GRAMD1B: variants seen among roughly 807,000 people sequenced by gnomAD.
GRAMD1B encodes protein Aster-B.
GRAMD1B carries 37 observed loss-of-function variants against 99.7 expected under a neutral mutation model. That is an observed-to-expected ratio of 0.37 (90% CI 0.29 to 0.49). The LOEUF (loss-of-function observed/expected upper bound fraction) is 0.49, where lower values mean the gene tolerates loss of function less well. GRAMD1B is among the 20% of genes least tolerant of loss of function. The probability of loss-of-function intolerance (pLI) is 0.98; values close to 1 mark genes in which losing one functional copy is unlikely to be tolerated. For missense variants in GRAMD1B, 888 were observed against 1,009.2 expected, an observed-to-expected ratio of 0.88 and a Z score of 1.63; for synonymous variants, 427 against 387.6, an observed-to-expected ratio of 1.10 and a Z score of -1.19.
intron 2 of GRAMD1B, among the ~76,000 whole-genome samples, chr11:123,556,026 G>A (rs1044765192): frequency 1.3e-5 from 2 of 152,166 alleles, no homozygotes; most frequent in African/African-American, 2.4e-5. Flanking sequence ...GAGCCACTGC[G>A]CCTGGCCTTA....
chr11:123,502,823 A>G (rs1940012911), intron 2 of GRAMD1B, among the ~76,000 whole-genome samples: 1 of 151,962 alleles, frequency 6.6e-6, no homozygotes, highest in South Asian at 2.1e-4. Context: ...TGCACTTAAT[A>G]TACCTCACCT....
At chr11:123,583,016 G>A (rs1336638221) in intron 3 of GRAMD1B, among the ~76,000 whole-genome samples, 8 of 151,020 alleles carry the variant, frequency 5.3e-5, no homozygotes, top group Non-Finnish European at 8.9e-5. Flanking sequence ...AAGTGTGTGC[G>A]TGTGTATGTG....
chr11:123,489,064 A>C (rs2846315), intron 2 of GRAMD1B, among the ~76,000 whole-genome samples: 63,380 of 151,766 alleles, frequency 0.42, 14,917 homozygotes, highest in African/African-American at 0.64. Flanking sequence ...CACTGGACTA[A>C]GGGGAGAGAA....
intron 8 of GRAMD1B, among the ~76,000 whole-genome samples, chr11:123,602,489 A>T (rs1402146978): frequency 6.6e-6 from 1 of 152,056 alleles, no homozygotes; most frequent in Non-Finnish European, 1.5e-5. Context: ...TAGGAAGTCT[A>T]TCGGTGCAAA....
chr11:123,534,231 A>G (rs573893577), intron 2 of GRAMD1B, among the ~76,000 whole-genome samples: 1 of 152,358 alleles, frequency 6.6e-6, no homozygotes, highest in East Asian at 1.9e-4. Context: ...GAAAATGTTA[A>G]GAAAGTCATA....
At chr11:123,558,547 A>C (rs1412953921) in intron 2 of GRAMD1B, among the ~76,000 whole-genome samples, 2 of 152,234 alleles carry the variant, frequency 1.3e-5, no homozygotes, top group African/African-American at 2.4e-5. Flanking sequence ...TTTCAGATGA[A>C]GAAACTGAGT....
rs1950630357 is a variant in GRAMD1B at position 123,591,410 on chromosome 11, G to A, written c.685-2672G>A. ...GTGCTGGGCAATGGAATCACTGACG[G>A]AGTCGGGGGTCCTCTGGAGCCTTCT... On this transcript the variant is annotated intron_variant, in intron 4 of 19. Transcript: ENST00000635736. This position sits in a 1 kb window ranked among gnomAD's most constrained non-coding sequence, Gnocchi z 4.7. The A allele has an allele frequency of 2.5e-6, 1 of 399,020 alleles. No homozygotes were observed. Among genetic ancestry groups the A allele is most frequent in the Non-Finnish European group, 4.4e-6 (1 of 226,136 alleles). The allele number at this position is 399,020 out of a possible 1,614,324, so 24.7% of individuals were successfully genotyped here. A position where few individuals can be genotyped will look rare whatever the true frequency, so the allele number is the denominator to read the frequency against.
rs572279871 is a variant in GRAMD1B, at chr11:123,476,649, C to T, written c.375-4167C>T. 1.5e-4 allele frequency among the ~76,000 whole-genome samples: 23 copies of T among 152,308 alleles called. No individual in the cohort carries two copies. In the East Asian group the frequency reaches 3.9e-3, roughly 26 times the overall value. ...TCTGCTGTTGTTGCATCACAGTCCA[C>T]GGTGAATATTTGTATGTCTTAGACT... is the stretch of plus-strand genomic sequence containing the variant. On this transcript the variant is annotated intron_variant, in intron 1 of 19. Coordinates refer to ENST00000635736, the MANE Select transcript of GRAMD1B (RefSeq NM_001387025.1).
intron 7 of GRAMD1B, chr11:123,597,811 T>C (rs576860600): frequency 1.6e-6 from 1 of 614,286 alleles, no homozygotes; most frequent in South Asian, 1.9e-5. Context: ...CTGCCTTGTT[T>C]CTACAAGTTG....
chr11:123,405,260 G>A (rs1248584295), intron 1 of GRAMD1B, among the ~76,000 whole-genome samples: 2 of 151,980 alleles, frequency 1.3e-5, no homozygotes, highest in East Asian at 3.9e-4. Flanking sequence ...CCTTAAGACT[G>A]TCTAGCAGTC....
chr11:123,622,208 A>G (rs1197152699), intron 19 of GRAMD1B, among the ~76,000 whole-genome samples: 1 of 152,126 alleles, frequency 6.6e-6, no homozygotes, highest in Non-Finnish European at 1.5e-5. Context: ...TTTTTTATAG[A>G]GATGGGGTCT....
chr11:123,492,865 TACACACACACAC>T lies in GRAMD1B; in HGVS notation c.452+11991_452+12002del, dbSNP rs58113764. On this transcript the variant is annotated intron_variant, in intron 2 of 19. Coordinates refer to ENST00000635736, the MANE Select transcript of GRAMD1B (RefSeq NM_001387025.1). This position sits in a 1 kb window ranked among gnomAD's most constrained non-coding sequence, Gnocchi z 4.2. ...TCTCTCTGTCTCTCTCTTTCACACA[TACACACACACAC>T]ACACACACACACACACACGCATAGG... Among the ~76,000 whole-genome samples, 1 of 147,940 alleles carries T rather than the reference TACACACACACAC, an allele frequency of 6.8e-6. No individual in the cohort carries two copies. The highest frequency in any genetic ancestry group is 1.5e-5 in the Non-Finnish European group (1 of 66,936).
At chr11:123,463,252 A>T (rs113804901) in intron 1 of GRAMD1B, among the ~76,000 whole-genome samples, 7,340 of 152,286 alleles carry the variant, frequency 0.048, 226 homozygotes, top group African/African-American at 0.06. Context: ...GCCCCAAGTG[A>T]TCCACCCGCC....
chr11:123,489,495 C>T (rs1156400685), intron 2 of GRAMD1B, among the ~76,000 whole-genome samples: 1 of 152,070 alleles, frequency 6.6e-6, no homozygotes, highest in Non-Finnish European at 1.5e-5. Context: ...CCACTGAAGA[C>T]AAGATGACTA....
intron 2 of GRAMD1B, among the ~76,000 whole-genome samples, chr11:123,513,794 C>G (rs1941403399): frequency 1.3e-5 from 2 of 151,630 alleles, no homozygotes; most frequent in South Asian, 4.2e-4. Flanking sequence ...GCAGGTGGGA[C>G]TACAGGTGCA....
At chr11:123,400,540 A>G (rs572846468) in intron 1 of GRAMD1B, among the ~76,000 whole-genome samples, 7 of 152,310 alleles carry the variant, frequency 4.6e-5, no homozygotes, top group African/African-American at 1.4e-4. Context: ...CTGGAAGTCC[A>G]ACATTAAGAT....
chr11:123,560,209 G>A lies in GRAMD1B; in HGVS notation c.453-17158G>A, dbSNP rs1208005586. On this transcript the variant is annotated intron_variant, in intron 2 of 19. Transcript: ENST00000635736. ...TGTGTGCGCGTGTGCGTGTCTGCGC[G>A]CAAGAGGGGTGCGTGTCTGAGTGTG... is the stretch of plus-strand genomic sequence containing the variant. The A allele has an allele frequency of 3.9e-6, 4 of 1,032,150 alleles. No homozygotes were observed. In the African/African-American group the frequency reaches 6.8e-5, roughly 18 times the overall value. 63.9% of individuals were successfully genotyped at this position (1,032,150 alleles called of 1,614,324 possible). A position where few individuals can be genotyped will look rare whatever the true frequency, so the allele number is the denominator to read the frequency against.
rs778466188 is a variant in GRAMD1B at position 123,510,888 on chromosome 11, C to CA, written c.452+29998dup. On this transcript the variant is annotated intron_variant, in intron 2 of 19. Coordinates refer to ENST00000635736, the MANE Select transcript of GRAMD1B (RefSeq NM_001387025.1). The surrounding 1 kb of genome is among the most constrained non-coding windows in gnomAD (Gnocchi z 4.3). ...AGAGGCGAGGAGGTGCCAGGTCCTACAAAGCACATGCCCCACCTTGGTGTG... is the reference window on the plus strand; with the variant it reads ...AGAGGCGAGGAGGTGCCAGGTCCTACAAAAGCACATGCCCCACCTTGGTGTG... Among the ~76,000 whole-genome samples the CA allele has an allele frequency of 5.3e-5, 8 of 152,266 alleles. No individual in the cohort carries two copies. Among genetic ancestry groups the CA allele is most frequent in the Non-Finnish European group, 1.0e-4 (7 of 68,024 alleles).
rs1256749907 is a variant in GRAMD1B at position 123,624,814 on chromosome 11, G to A, written c.*2219G>A. On this transcript the variant is annotated 3_prime_UTR_variant, in exon 20 of 20. Transcript: ENST00000635736. ...GGGACCTTTGGGATGACTTAAAAAG[G>A]GTTCTTTGTTGGGAGTCAAGTGACA... is the stretch of plus-strand genomic sequence containing the variant. 2 of 152,140 alleles carry A rather than the reference G, an allele frequency of 1.3e-5. No individual in the cohort carries two copies. 9.4% of individuals were successfully genotyped at this position (152,140 alleles called of 1,614,324 possible). A position where few individuals can be genotyped will look rare whatever the true frequency, so the allele number is the denominator to read the frequency against.
Sources: gnomAD v4.1 joint callset for allele counts (sites outside exome capture counted in the v4.1 genomes callset) on GRCh38, gnomAD v4.1.1 for gene constraint, Gnocchi (gnomAD v3.1) non-coding constraint, MANE v1.5 for transcripts, NCBI Gene and HGNC (gene_info 2026-07-23, HGNC 2026-07-21) for gene names.